VSNL1: variants seen among roughly 807,000 people sequenced by gnomAD.
The protein encoded by VSNL1 is visinin-like protein 1.
A neutral mutation model predicts 20.4 loss-of-function variants in VSNL1; 6 were observed. The ratio of observed to expected loss-of-function variants is 0.29; its 90% CI spans 0.16 to 0.58. The LOEUF is 0.58. Ranked by LOEUF, VSNL1 falls within the 20% of genes least tolerant of loss-of-function variation. The pLI, the probability that VSNL1 is intolerant of heterozygous loss-of-function variation, is 0.90. For synonymous variants in VSNL1, 93 were observed against 86.4 expected (o/e 1.08, Z -0.42); for missense variants, 100 against 234.5 (o/e 0.43, Z 3.75).
In VSNL1 at chr2:17,547,730, C is replaced by T. The variant is rs569249229; in HGVS notation, c.-6+6812C>T. On this transcript the variant is annotated intron_variant, in intron 1 of 3. Transcript: ENST00000295156. Reference sequence around the variant, plus strand: ...GCATCCCCTTTCCATTATGCCTTTACTTTATCATCATCACCCTACTATATA... The same window carrying T: ...GCATCCCCTTTCCATTATGCCTTTATTTTATCATCATCACCCTACTATATA... Among the ~76,000 whole-genome samples, 4 of 152,166 alleles carry T rather than the reference C, an allele frequency of 2.6e-5. No individual in the cohort carries two copies. In the South Asian group the frequency reaches 8.3e-4, roughly 32 times the overall value.
chr2:17,637,565 C>A (rs1665784125), intron 2 of VSNL1, among the ~76,000 whole-genome samples: 1 of 152,188 alleles, frequency 6.6e-6, no homozygotes, highest in Non-Finnish European at 1.5e-5. Flanking sequence ...AGGATGCCTC[C>A]CCTGACTTCT....
intron 1 of VSNL1, among the ~76,000 whole-genome samples, chr2:17,589,522 A>C (rs1259324447): frequency 6.6e-6 from 1 of 152,222 alleles, no homozygotes; most frequent in Non-Finnish European, 1.5e-5. Flanking sequence ...TGGCAATGCC[A>C]TTCTGAGCCA....
intron 1 of VSNL1, among the ~76,000 whole-genome samples, chr2:17,565,430 T>C (rs970458799): frequency 2.6e-5 from 4 of 152,204 alleles, no homozygotes; most frequent in African/African-American, 9.6e-5. Context: ...TAATTTGGTA[T>C]GTATTTTCTT....
chr2:17,654,250 A>C (rs1666178808), intron 3 of VSNL1, among the ~76,000 whole-genome samples: 1 of 152,218 alleles, frequency 6.6e-6, no homozygotes, highest in Non-Finnish European at 1.5e-5. Context: ...TGGAAATTTC[A>C]TATCAAGAAT....
intron 2 of VSNL1, among the ~76,000 whole-genome samples, chr2:17,636,061 A>C (rs1665741289): frequency 6.6e-6 from 1 of 152,012 alleles, no homozygotes; most frequent in Non-Finnish European, 1.5e-5. Context: ...TGGTGGAAAG[A>C]GCTCTTCCCC....
intron 2 of VSNL1, among the ~76,000 whole-genome samples, chr2:17,608,417 C>T (rs957427239): frequency 6.6e-6 from 1 of 152,232 alleles, no homozygotes; most frequent in Non-Finnish European, 1.5e-5. Flanking sequence ...CTCTTGCAGA[C>T]TTCAAAGCTG....
intron 2 of VSNL1, among the ~76,000 whole-genome samples, chr2:17,613,020 C>T (rs1292027138): frequency 6.6e-6 from 1 of 152,194 alleles, no homozygotes; most frequent in African/African-American, 2.4e-5. Flanking sequence ...ATCTCCTCTT[C>T]ATTCCCTTAA....
intron 2 of VSNL1, among the ~76,000 whole-genome samples, chr2:17,642,232 A>G (rs1665895607): frequency 2.6e-5 from 4 of 152,090 alleles, no homozygotes; most frequent in Admixed American, 2.6e-4. Flanking sequence ...CGAGAGCAGT[A>G]AGGATACAAT....
At chr2:17,636,229 A>G (rs1665744698) in intron 2 of VSNL1, among the ~76,000 whole-genome samples, 1 of 151,946 alleles carries the variant, frequency 6.6e-6, no homozygotes. Context: ...TTTGGAGTGA[A>G]AACATGGATT....
intron 2 of VSNL1, among the ~76,000 whole-genome samples, chr2:17,603,652 T>C (rs1664882045): frequency 6.6e-6 from 1 of 152,218 alleles, no homozygotes; most frequent in South Asian, 2.1e-4. Flanking sequence ...GGGCATCAAA[T>C]GTCACAAAAG....
chr2:17,556,814 C>T (rs1663690552), intron 1 of VSNL1, among the ~76,000 whole-genome samples: 1 of 152,150 alleles, frequency 6.6e-6, no homozygotes. Context: ...AATCAAAGGA[C>T]ACCAAATGGT....
chr2:17,613,045 C>T (rs902221707), intron 2 of VSNL1, among the ~76,000 whole-genome samples: 2 of 152,200 alleles, frequency 1.3e-5, no homozygotes, highest in Admixed American at 1.3e-4. Context: ...CTAGGCCATC[C>T]TCATCCTTCT....
At chr2:17,570,238 A>G (rs951894835) in intron 1 of VSNL1, among the ~76,000 whole-genome samples, 5 of 152,218 alleles carry the variant, frequency 3.3e-5, no homozygotes, top group African/African-American at 9.7e-5. Context: ...GTGTTTTTAA[A>G]TCATTTATGA....
At chr2:17,640,185 G>C (rs529064302) in intron 2 of VSNL1, among the ~76,000 whole-genome samples, 1 of 151,400 alleles carries the variant, frequency 6.6e-6, no homozygotes, top group South Asian at 2.1e-4. Context: ...GGGAGGCAGA[G>C]GAAGTTACAG....
At chr2:17,604,826 C>T (rs1023094829) in intron 2 of VSNL1, among the ~76,000 whole-genome samples, 1 of 152,122 alleles carries the variant, frequency 6.6e-6, no homozygotes, top group African/African-American at 2.4e-5. Context: ...TGGGTGGTTT[C>T]TTTTTTTCTC....
intron 1 of VSNL1, among the ~76,000 whole-genome samples, chr2:17,586,877 G>A (rs1204238306): frequency 6.6e-6 from 1 of 152,164 alleles, no homozygotes; most frequent in East Asian, 1.9e-4. Context: ...AAAAGCACAA[G>A]GGGCATTCCA....
At chr2:17,605,672 C>T (rs1664929206) in intron 2 of VSNL1, among the ~76,000 whole-genome samples, 1 of 152,220 alleles carries the variant, frequency 6.6e-6, no homozygotes, top group Non-Finnish European at 1.5e-5. Flanking sequence ...GACAGGATCA[C>T]ATTTGACACC....
intron 2 of VSNL1, among the ~76,000 whole-genome samples, chr2:17,630,287 G>A (rs1397470330): frequency 6.6e-6 from 1 of 152,230 alleles, no homozygotes; most frequent in Non-Finnish European, 1.5e-5. Flanking sequence ...TTTTAGCCCA[G>A]AGTGCCCTCT....
At chr2:17,606,550 A>G (rs1407004274) in intron 2 of VSNL1, among the ~76,000 whole-genome samples, 2 of 152,182 alleles carry the variant, frequency 1.3e-5, no homozygotes, top group African/African-American at 2.4e-5. Flanking sequence ...GAAGAAAACC[A>G]AGGTGGGCTA....
Sources: allele counts gnomAD v4.1 joint callset (sites outside exome capture counted in the v4.1 genomes callset), GRCh38; gene constraint gnomAD v4.1.1; transcripts MANE v1.5; gene names NCBI Gene and HGNC (gene_info 2026-07-23, HGNC 2026-07-21).